Variants in SKIC8 observed in about 807,000 individuals in gnomAD.
The protein encoded by SKIC8 is superkiller complex protein 8.
the SKIC8 span, chr15:78,296,150 C>T: frequency 6.5e-6 from 1 of 152,894 alleles, no homozygotes; most frequent in Non-Finnish European, 1.5e-5. Context: ...CTTTAAGAGC[C>T]AACAGGCAGG....
chr15:78,294,363 C>G, the SKIC8 span: 1 of 152,686 alleles, frequency 6.5e-6, no homozygotes, highest in Non-Finnish European at 1.5e-5. Flanking sequence ...GTAGCCCATG[C>G]ACAAACATGG....
chr15:78,285,042 T>G, the SKIC8 span: 1 of 545,686 alleles, frequency 1.8e-6, no homozygotes, highest in Non-Finnish European at 3.3e-6. Context: ...TGTGGGGATA[T>G]GCCTCGTGAG....
the SKIC8 span, chr15:78,290,120 C>A: frequency 1.3e-6 from 2 of 1,597,868 alleles, no homozygotes; most frequent in South Asian, 1.1e-5. Context: ...AAAAGAAGGA[C>A]AAAAATACAG....
the SKIC8 span, chr15:78,284,235 T>C: frequency 6.6e-6 from 1 of 152,138 alleles, no homozygotes; most frequent in Admixed American, 6.6e-5. Context: ...CACTCCAGCC[T>C]CTGACACAGC....
At chr15:78,295,975 T>C in the SKIC8 span, 2 of 364,380 alleles carry the variant, frequency 5.5e-6, no homozygotes, top group Non-Finnish European at 9.8e-6. Flanking sequence ...CAAGTGTGAC[T>C]GCAGAGAGCG....
the SKIC8 span, chr15:78,285,283 G>T: frequency 6.2e-7 from 1 of 1,614,184 alleles, no homozygotes; most frequent in South Asian, 1.1e-5. Flanking sequence ...ATCAAAGAAG[G>T]TGTGAACACA....
the SKIC8 span, chr15:78,294,785 T>C: frequency 3.2e-6 from 2 of 629,750 alleles, no homozygotes; most frequent in South Asian, 2.5e-5. Flanking sequence ...GTTGTTGTTG[T>C]TGTTGTCTGT....
the SKIC8 span, chr15:78,283,541 T>G: frequency 1.3e-6 from 2 of 1,567,978 alleles, no homozygotes; most frequent in South Asian, 1.1e-5. Flanking sequence ...TAAAAAAAGA[T>G]AGTTCTACAA....
chr15:78,285,710 GACC>G, the SKIC8 span: 1 of 430,538 alleles, frequency 2.3e-6, no homozygotes, highest in African/African-American at 2.0e-5. Flanking sequence ...TCCCAGGCCT[GACC>G]AACACTGGGA....
chr15:78,289,125 T>C, the SKIC8 span, among the ~76,000 whole-genome samples: 18 of 152,300 alleles, frequency 1.2e-4, no homozygotes, highest in East Asian at 2.9e-3. Context: ...GTTAAATCTA[T>C]AGTGACAGGC....
the SKIC8 span, among the ~76,000 whole-genome samples, chr15:78,288,657 C>T: frequency 6.6e-6 from 1 of 152,120 alleles, no homozygotes; most frequent in Non-Finnish European, 1.5e-5. Flanking sequence ...ACAAATATGG[C>T]CACACAAGGA....
chr15:78,285,494 C>G, the SKIC8 span: 35 of 649,122 alleles, frequency 5.4e-5, no homozygotes, highest in Non-Finnish European at 5.2e-5. Context: ...GTGGCTTTCT[C>G]TCCTCACAGG....
At chr15:78,289,647 T>A in the SKIC8 span, 1 of 1,614,120 alleles carries the variant, frequency 6.2e-7, no homozygotes. Flanking sequence ...GTTTTCCAGT[T>A]GCAATATCAA....
chr15:78,290,226 T>C, the SKIC8 span: 3 of 1,003,424 alleles, frequency 3.0e-6, no homozygotes, highest in Non-Finnish European at 2.8e-6. Context: ...CAGAAAATTA[T>C]GTTGTAAAGA....
the SKIC8 span, chr15:78,292,280 A>T: frequency 1.5e-5 from 4 of 275,096 alleles, no homozygotes; most frequent in Non-Finnish European, 2.8e-5. Flanking sequence ...CAGTTTTGAA[A>T]TCCAAAAAGC....
chr15:78,293,392 G>T, the SKIC8 span: 4 of 976,132 alleles, frequency 4.1e-6, no homozygotes, highest in East Asian at 7.6e-5. Flanking sequence ...TTTACAAAGT[G>T]CTTTCCTATA....
the SKIC8 span, among the ~76,000 whole-genome samples, chr15:78,297,837 G>A: frequency 1.3e-5 from 2 of 152,192 alleles, no homozygotes; most frequent in East Asian, 1.9e-4. Flanking sequence ...AAAAGCTGCC[G>A]AAGGTTTTCC....
chr15:78,293,958 G>C, the SKIC8 span, among the ~76,000 whole-genome samples: 1 of 152,156 alleles, frequency 6.6e-6, no homozygotes, highest in Non-Finnish European at 1.5e-5. Context: ...GACCCAGTGT[G>C]GATGTAAAAA....
the SKIC8 span, chr15:78,285,514 T>C: frequency 1.6e-6 from 1 of 610,368 alleles, no homozygotes; most frequent in African/African-American, 1.8e-5. Flanking sequence ...GGTAGCCATT[T>C]TCCTGAAATT....
Sources: gnomAD v4.1 joint callset for allele counts (sites outside exome capture counted in the v4.1 genomes callset) on GRCh38, gnomAD v4.1.1 for gene constraint, MANE v1.5 for transcripts, NCBI Gene and HGNC (gene_info 2026-07-23, HGNC 2026-07-21) for gene names.